CFAP74: variants seen among roughly 807,000 people sequenced by gnomAD.
CFAP74 encodes the protein cilia and flagella associated protein 74, also known as cilia- and flagella-associated protein 74.
A neutral mutation model predicts 188.9 loss-of-function variants in CFAP74; 124 were observed. The ratio of observed to expected loss-of-function variants is 0.66; its 90% CI spans 0.57 to 0.76. The LOEUF is 0.76. CFAP74 is among the 30% of genes least tolerant of loss of function. CFAP74 has a pLI of 0.00. For missense variants in CFAP74, 2,198 were observed against 2,165.2 expected (o/e 1.02, Z -0.30); for synonymous variants, 956 against 916.7 (o/e 1.04, Z -0.77).
At chr1:1,922,920 G>A in intron 37 of CFAP74, 65 bp downstream of exon 37, 3 of 1,519,450 alleles carry the variant, frequency 2.0e-6, no homozygotes, top group Non-Finnish European at 2.6e-6. Context: ...GGAGGGTCAG[G>A]GCTGCCCAGG....
chr1:2,001,329 A>G (rs1571006872), intron 1 of CFAP74, among the ~76,000 whole-genome samples: 3 of 148,910 alleles, frequency 2.0e-5, no homozygotes, highest in African/African-American at 7.4e-5. Context: ...TTTGTTTTTC[A>G]TTTTGTTTTT....
chr1:1,963,114 G>A (rs569871829), intron 14 of CFAP74, among the ~76,000 whole-genome samples: 1 of 152,206 alleles, frequency 6.6e-6, no homozygotes, highest in East Asian at 1.9e-4. Flanking sequence ...TAATTGCCAG[G>A]GAAAACTTAT....
At chr1:1,964,756 C>T (rs1655341924) in intron 13 of CFAP74, 132 bp downstream of exon 13, 1 of 957,702 alleles carries the variant, frequency 1.0e-6, no homozygotes, top group Non-Finnish European at 1.6e-6. Context: ...TGCCGTTGCA[C>T]TCCAGCCTGG....
chr1:1,945,493 C>T (rs1347781315), intron 20 of CFAP74, among the ~76,000 whole-genome samples: 3 of 152,048 alleles, frequency 2.0e-5, no homozygotes, highest in East Asian at 1.9e-4. Context: ...CCAGCCCATG[C>T]GGGTGCATAG....
chr1:1,946,583 G>C, intron 19 of CFAP74, 144 bp from the exon 20 acceptor site: 2 of 1,065,956 alleles, frequency 1.9e-6, no homozygotes, highest in South Asian at 3.4e-5. Context: ...CAGATGTCCT[G>C]GGCCTGGCCC....
chr1:1,921,969 A>G lies in CFAP74; in HGVS notation c.*318T>C. 5.9e-6 allele frequency: 2 copies of G among 340,202 alleles called. No homozygotes were observed. The highest frequency in any genetic ancestry group is 1.1e-5 in the Non-Finnish European group (2 of 183,404). The allele number at this position is 340,202 out of a possible 1,614,324, so 21.1% of individuals were successfully genotyped here. A position where few individuals can be genotyped will look rare whatever the true frequency, so the allele number is the denominator to read the frequency against. On this transcript the variant is annotated 3_prime_UTR_variant, in exon 39 of 39. Coordinates refer to ENST00000682832, the MANE Select transcript of CFAP74 (RefSeq NM_001304360.2). Reference sequence around the variant, plus strand: ...TGCAGGCTGCATGTGTTGGCCTACAAAAAATTTATTGACAGGCTGTGGAGG... The same window carrying G: ...TGCAGGCTGCATGTGTTGGCCTACAGAAAATTTATTGACAGGCTGTGGAGG...
intron 28 of CFAP74, 158 bp from the exon 29 acceptor site, chr1:1,927,186 T>G: frequency 2.6e-6 from 2 of 779,572 alleles, no homozygotes; most frequent in Non-Finnish European, 4.0e-6. Flanking sequence ...CACCCTTCTC[T>G]GGCTCCTGTG....
intron 1 of CFAP74, among the ~76,000 whole-genome samples, chr1:2,000,705 T>C (rs1006142002): frequency 6.6e-6 from 1 of 151,982 alleles, no homozygotes; most frequent in South Asian, 2.1e-4. Flanking sequence ...TCTGTGTGCA[T>C]TTGTATGTCC....
intron 9 of CFAP74, among the ~76,000 whole-genome samples, chr1:1,971,347 A>T (rs953190715): frequency 1.3e-5 from 2 of 151,062 alleles, no homozygotes; most frequent in Admixed American, 1.3e-4. Context: ...ACACGTGCAC[A>T]CACATGCACA....
intron 21 of CFAP74, among the ~76,000 whole-genome samples, 196 bp downstream of exon 21, chr1:1,944,135 G>A (rs576057384): frequency 1.1e-4 from 17 of 152,320 alleles, no homozygotes; most frequent in African/African-American, 3.1e-4. Context: ...AGCAGCCGTG[G>A]CAGCCCCAGG....
chr1:1,976,668 G>C (rs1251167445), intron 6 of CFAP74, among the ~76,000 whole-genome samples: 1 of 152,146 alleles, frequency 6.6e-6, no homozygotes, highest in Non-Finnish European at 1.5e-5. Flanking sequence ...TCAGCCTCTT[G>C]AATAGCTGGG....
Position 1,968,267 on chromosome 1 carries a change from G to A in CFAP74, c.1245+368C>T, listed in dbSNP as rs1458917665. Among the ~76,000 whole-genome samples, 3 of 152,124 alleles carry A rather than the reference G, an allele frequency of 2.0e-5. No individual in the cohort carries two copies. Among genetic ancestry groups the A allele is most frequent in the African/African-American group, 4.8e-5 (2 of 41,426 alleles). On this transcript the variant is annotated intron_variant, in intron 11 of 38. Transcript: ENST00000682832. This position sits in a 1 kb window ranked among gnomAD's most constrained non-coding sequence, Gnocchi z 4.3. Reference sequence around the variant, plus strand: ...GTGATCCCAGGCATGTGGTCTGAACGGCTGTGCACATCTCCCTGGCAGGCG... The same window carrying A: ...GTGATCCCAGGCATGTGGTCTGAACAGCTGTGCACATCTCCCTGGCAGGCG...
chr1:1,956,601 G>A lies in CFAP74; in HGVS notation c.2016+19C>T, dbSNP rs540949857. The A allele has an allele frequency of 8.7e-6, 14 of 1,613,932 alleles. No homozygotes were observed. The East Asian group carries it at 3.1e-4, about 36-fold the overall frequency. On this transcript the variant is annotated intron_variant, in intron 17 of 38. Coordinates refer to ENST00000682832, the MANE Select transcript of CFAP74 (RefSeq NM_001304360.2). ...GGGGCAGGTCCCCACACTCCCCCATGGCTGAGTGGCACACTCACTAATTTC... is the reference window on the plus strand; with the variant it reads ...GGGGCAGGTCCCCACACTCCCCCATAGCTGAGTGGCACACTCACTAATTTC...
At position 1,987,055 on chromosome 1, in the gene CFAP74, G is replaced by C. The variant is rs1289824105; in HGVS notation, c.297-20C>G. On this transcript the variant is annotated intron_variant, in intron 4 of 38. Coordinates refer to ENST00000682832, the MANE Select transcript of CFAP74 (RefSeq NM_001304360.2). ...TCCCCTCTGGAACAGGGAAACAAAG[G>C]TCAGATGATGGTTCCCTGAAACTCC... The C allele has an allele frequency of 6.4e-7, 1 of 1,570,084 alleles. No homozygotes were observed. The highest frequency in any genetic ancestry group is 1.7e-5 in the Admixed American group (1 of 59,354).
chr1:1,999,384 T>A lies in CFAP74; in HGVS notation c.-20+4317A>T, dbSNP rs528882035. On this transcript the variant is annotated intron_variant, in intron 1 of 38. Coordinates refer to ENST00000682832, the MANE Select transcript of CFAP74 (RefSeq NM_001304360.2). ...AAGACTCGTATGGGAAAAATCAAAA[T>A]TCAGCTACAGTGTGTGTTAGCGGGG... Among the ~76,000 whole-genome samples the A allele has an allele frequency of 2.0e-5, 3 of 152,256 alleles. No individual in the cohort carries two copies. The East Asian group carries it at 5.8e-4, about 29-fold the overall frequency.
intron 2 of CFAP74, among the ~76,000 whole-genome samples, chr1:1,989,376 G>A (rs1456362108): frequency 1.3e-5 from 2 of 152,222 alleles, no homozygotes; most frequent in African/African-American, 4.8e-5. Flanking sequence ...GAGAGCTGCT[G>A]CTGAATAAAA....
intron 25 of CFAP74, 66 bp from the exon 26 acceptor site, chr1:1,930,402 G>A (rs1010548973): frequency 1.7e-5 from 25 of 1,433,370 alleles, no homozygotes; most frequent in South Asian, 1.3e-4. Flanking sequence ...CGGCAGGCGC[G>A]GGGGCCACTG....
intron 26 of CFAP74, 87 bp from the exon 27 acceptor site, chr1:1,928,969 G>A (rs375286593): frequency 2.9e-5 from 25 of 853,566 alleles, no homozygotes; most frequent in African/African-American, 1.7e-4. Flanking sequence ...TCCTCTGCCC[G>A]TGGACTCCCC....
At chr1:1,965,186 A>G in intron 12 of CFAP74, 125 bp from the exon 13 acceptor site, 1 of 934,072 alleles carries the variant, frequency 1.1e-6, no homozygotes, top group Non-Finnish European at 1.6e-6. Context: ...GGCTGCCACC[A>G]GCGCTGGAGC....
Sources: gnomAD v4.1 joint callset for allele counts (sites outside exome capture counted in the v4.1 genomes callset) on GRCh38, gnomAD v4.1.1 for gene constraint, Gnocchi (gnomAD v3.1) non-coding constraint, MANE v1.5 for transcripts, NCBI Gene and HGNC (gene_info 2026-07-23, HGNC 2026-07-21) for gene names.